The following ABLIM3 variants were observed in gnomAD, a reference collection of about 807,000 sequenced individuals.
The protein encoded by ABLIM3 is actin binding LIM protein family member 3.
Under a neutral mutation model 109.5 loss-of-function variants are expected in ABLIM3, and 61 were observed. That is an observed-to-expected ratio of 0.56 (90% confidence interval 0.45 to 0.69). ABLIM3 has a LOEUF of 0.69. Ranked by LOEUF, ABLIM3 falls within the 30% of genes least tolerant of loss-of-function variation. The probability of loss-of-function intolerance (pLI) is 0.00; values close to 1 mark genes in which losing one functional copy is unlikely to be tolerated. For missense variants in ABLIM3, 796 were observed against 889.5 expected, an observed-to-expected ratio of 0.89 and a Z score of 1.34; for synonymous variants, 300 against 324.8, an observed-to-expected ratio of 0.92 and a Z score of 0.82.
chr5:149,180,584 T>A (rs1381121275), intron 2 of ABLIM3, among the ~76,000 whole-genome samples: 1 of 152,174 alleles, frequency 6.6e-6, no homozygotes, highest in Non-Finnish European at 1.5e-5. Flanking sequence ...TGTTCTTTTA[T>A]AATCACAGCT....
At chr5:149,242,421 C>T (rs1054998311) in intron 14 of ABLIM3, 70 bp from the exon 15 acceptor site, 12 of 1,500,044 alleles carry the variant, frequency 8.0e-6, no homozygotes, top group Middle Eastern at 1.7e-4. Context: ...CAAGTACTAT[C>T]TCCTTTTCTC....
intron 15 of ABLIM3, chr5:149,244,660 C>T: frequency 1.7e-6 from 1 of 577,146 alleles, no homozygotes; most frequent in Non-Finnish European, 3.1e-6. Context: ...TTAAGCAAGC[C>T]CCTTCCCCTC....
Position 149,210,634 on chromosome 5 carries a change from C to T in ABLIM3, c.576-92C>T. 4.7e-6 allele frequency: 5 copies of T among 1,074,674 alleles called. No individual in the cohort carries two copies. In the South Asian group the frequency reaches 6.3e-5, roughly 14 times the overall value. 66.6% of individuals were successfully genotyped at this position (1,074,674 alleles called of 1,614,324 possible). ...GAGAAGTATCGAACTTTGGCTCAGT[C>T]AACATAGGCTGCAGGTCCAGAATCT... On this transcript the variant is annotated intron_variant, in intron 6 of 23. Coordinates refer to ENST00000309868, the MANE Select transcript of ABLIM3 (RefSeq NM_014945.5).
chr5:149,239,440 TA>T (rs1350681713), intron 12 of ABLIM3, among the ~76,000 whole-genome samples, 163 bp downstream of exon 12: 3 of 152,066 alleles, frequency 2.0e-5, no homozygotes, highest in African/African-American at 4.8e-5. Flanking sequence ...GAGGAAGTGG[TA>T]GTGGCATACA....
chr5:149,210,609 G>T, intron 6 of ABLIM3, 117 bp from the exon 7 acceptor site: 1 of 792,422 alleles, frequency 1.3e-6, no homozygotes, highest in Admixed American at 1.8e-5. Context: ...TTTATTAAAG[G>T]AGAAGTATCG....
intron 23 of ABLIM3, among the ~76,000 whole-genome samples, chr5:149,256,851 GACTT>G (rs1754473077): frequency 1.3e-5 from 2 of 152,164 alleles, no homozygotes; most frequent in African/African-American, 4.8e-5. Context: ...TTTCATAATA[GACTT>G]ACTTATGAAT....
chr5:149,196,202 C>T (rs969726013), intron 3 of ABLIM3, among the ~76,000 whole-genome samples: 4 of 152,186 alleles, frequency 2.6e-5, no homozygotes, highest in Admixed American at 2.0e-4. Context: ...CAGCCTCACC[C>T]CTTAAGCCTC....
chr5:149,196,120 A>G (rs751840948), intron 3 of ABLIM3, among the ~76,000 whole-genome samples: 28 of 152,096 alleles, frequency 1.8e-4, no homozygotes, highest in Non-Finnish European at 3.8e-4. Flanking sequence ...CTATCAGACC[A>G]CTGTGTCTCC....
chr5:149,227,825 A>G (rs1324627822), intron 8 of ABLIM3, among the ~76,000 whole-genome samples: 1 of 152,258 alleles, frequency 6.6e-6, no homozygotes, highest in East Asian at 1.9e-4. Flanking sequence ...CCAACTGCCT[A>G]AGATAGAATG....
At position 149,162,718 on chromosome 5, in the gene ABLIM3, G is replaced by A. The variant is rs144531775; in HGVS notation, c.13+20610G>A. On this transcript the variant is annotated intron_variant, in intron 2 of 23. Coordinates refer to ENST00000309868, the MANE Select transcript of ABLIM3 (RefSeq NM_014945.5). Reference sequence around the variant, plus strand: ...GGAAGAACATCCTGTGTGCCCCTCCGTAGGCCTCATTTTTTTGCCAGTCCC... The same window carrying A: ...GGAAGAACATCCTGTGTGCCCCTCCATAGGCCTCATTTTTTTGCCAGTCCC... Among the ~76,000 whole-genome samples the A allele has an allele frequency of 5.5e-3, 838 of 152,178 alleles. 7 individuals carry two copies. The highest frequency in any genetic ancestry group is 0.019 in the African/African-American group (780 of 41,540).
intron 2 of ABLIM3, among the ~76,000 whole-genome samples, chr5:149,163,510 G>A (rs544810817): frequency 1.5e-4 from 23 of 152,204 alleles, no homozygotes; most frequent in Admixed American, 4.6e-4. Context: ...CAAGGTATGG[G>A]CAAGGTTGGT....
At chr5:149,233,328 G>C (rs1162732208) in intron 10 of ABLIM3, 28 bp downstream of exon 10, 3 of 1,608,632 alleles carry the variant, frequency 1.9e-6, no homozygotes, top group Non-Finnish European at 2.6e-6. Context: ...ACCACCAAAG[G>C]GCCTTCTTTA....
At chr5:149,192,647 A>AT (rs1757600334) in intron 3 of ABLIM3, among the ~76,000 whole-genome samples, 1 of 150,922 alleles carries the variant, frequency 6.6e-6, no homozygotes, top group Non-Finnish European at 1.5e-5. Flanking sequence ...GAAAAAAAAA[A>AT]AAAAGAAAGA....
chr5:149,230,545 TGTAA>T lies in ABLIM3; in HGVS notation c.758-102_758-99del, dbSNP rs2127544969. 5 of 1,242,966 alleles carry T rather than the reference TGTAA, an allele frequency of 4.0e-6. No individual in the cohort carries two copies. In the South Asian group the frequency reaches 4.8e-5, roughly 12 times the overall value. 77.0% of individuals were successfully genotyped at this position (1,242,966 alleles called of 1,614,324 possible). A position where few individuals can be genotyped will look rare whatever the true frequency, so the allele number is the denominator to read the frequency against. On this transcript the variant is annotated intron_variant, in intron 8 of 23. Transcript: ENST00000309868. ...GCCAAGAGGGCCCTTCTGGCAGATG[TGTAA>T]GGGACATACGCTGACCACGGAGTGA...
At chr5:149,199,634 C>T (rs1170086643) in intron 4 of ABLIM3, among the ~76,000 whole-genome samples, 1 of 152,248 alleles carries the variant, frequency 6.6e-6, no homozygotes, top group African/African-American at 2.4e-5. Context: ...CATCGTGCCA[C>T]AGTGCTAATA....
intron 10 of ABLIM3, 35 bp downstream of exon 10, chr5:149,233,335 T>C (rs1466585364): frequency 1.9e-6 from 3 of 1,599,008 alleles, no homozygotes; most frequent in Non-Finnish European, 2.6e-6. Context: ...AAGGGCCTTC[T>C]TTATTCCTGA....
intron 8 of ABLIM3, among the ~76,000 whole-genome samples, chr5:149,226,117 C>G (rs186312086): frequency 1.2e-3 from 186 of 149,774 alleles, no homozygotes; most frequent in Admixed American, 3.2e-3. Context: ...AAGGTTCCTC[C>G]CAGTCTATTG....
chr5:149,247,497 T>C lies in ABLIM3; in HGVS notation c.1552-285T>C, dbSNP rs534792219. The C allele has an allele frequency of 2.9e-4, 168 of 575,464 alleles. No individual in the cohort carries two copies. The East Asian group carries it at 5.4e-3, about 18-fold the overall frequency. 35.6% of individuals were successfully genotyped at this position (575,464 alleles called of 1,614,324 possible). A position where few individuals can be genotyped will look rare whatever the true frequency, so the allele number is the denominator to read the frequency against. ...AAGAAAAAGGTGGCTATCTGCCCAT[T>C]GTTGAATCAATCACTGTGCCAAGAC... On this transcript the variant is annotated intron_variant, in intron 17 of 23. Coordinates refer to ENST00000309868, the MANE Select transcript of ABLIM3 (RefSeq NM_014945.5).
chr5:149,147,113 ATGTG>A lies in ABLIM3; in HGVS notation c.13+5026_13+5029del, dbSNP rs35743789. On this transcript the variant is annotated intron_variant, in intron 2 of 23. Coordinates refer to ENST00000309868, the MANE Select transcript of ABLIM3 (RefSeq NM_014945.5). ...TCGCTCGCTTGCTCGCTCTCTGTGT[ATGTG>A]TGTGTGTGTGTGTGTGTGTGCATGT... is the stretch of plus-strand genomic sequence containing the variant. Among the ~76,000 whole-genome samples the A allele has an allele frequency of 4.8e-3, 670 of 139,034 alleles. 2 individuals carry two copies. The highest frequency in any genetic ancestry group is 0.016 in the African/African-American group (604 of 37,798). 91.2% of individuals were successfully genotyped at this position (139,034 alleles called of 152,430 possible).
Sources: allele counts gnomAD v4.1 joint callset (sites outside exome capture counted in the v4.1 genomes callset), GRCh38; gene constraint gnomAD v4.1.1; transcripts MANE v1.5; gene names NCBI Gene and HGNC (gene_info 2026-07-23, HGNC 2026-07-21).